ROR1: variants seen among roughly 807,000 people sequenced by gnomAD.
The protein encoded by ROR1 is inactive tyrosine-protein kinase transmembrane receptor ROR1.
Under a neutral mutation model 78.8 loss-of-function variants are expected in ROR1, and 19 were observed. The observed-to-expected ratio is 0.24, with a 90% CI of 0.17 to 0.35. ROR1 has a LOEUF of 0.35. Among genes scored for constraint, ROR1 ranks in the 10% least tolerant of loss-of-function variants. The pLI is 1.00. For synonymous variants in ROR1, 386 were observed against 433.6 expected (o/e 0.89, Z 1.36); for missense variants, 917 against 1,177.8 (o/e 0.78, Z 3.24).
rs1046131262 is a variant in ROR1 at position 64,127,734 on chromosome 1, A to G, written c.483-9635A>G. Among the ~76,000 whole-genome samples, 10 of 152,344 alleles carry G rather than the reference A, an allele frequency of 6.6e-5. No homozygotes were observed. In the East Asian group the frequency reaches 1.2e-3, roughly 18 times the overall value. ...CTGTTGAGCATAGAATAAAATCTCA[A>G]TAGGGCATAATGGTAGGAAGAAGAA... On this transcript the variant is annotated intron_variant, in intron 4 of 8. Coordinates refer to ENST00000371079, the MANE Select transcript of ROR1 (RefSeq NM_005012.4).
At chr1:64,125,797 TAGG>T (rs1260377282) in intron 4 of ROR1, among the ~76,000 whole-genome samples, 1 of 152,170 alleles carries the variant, frequency 6.6e-6, no homozygotes, top group African/African-American at 2.4e-5. Flanking sequence ...TTGGAATCTG[TAGG>T]AGGTCTGTGT....
chr1:63,843,155 G>A (rs766804748), intron 1 of ROR1: 351 of 924,372 alleles, frequency 3.8e-4, no homozygotes, highest in Admixed American at 7.1e-4. Flanking sequence ...CAGATGTGGG[G>A]CTGCCAGATG....
chr1:64,139,722 C>T (rs754136411), intron 5 of ROR1, among the ~76,000 whole-genome samples: 8 of 152,114 alleles, frequency 5.3e-5, no homozygotes, highest in Non-Finnish European at 7.4e-5. Flanking sequence ...TCAGCCACTG[C>T]GGAAACAAGT....
chr1:63,999,407 A>C (rs887481439), intron 1 of ROR1, among the ~76,000 whole-genome samples: 3 of 152,230 alleles, frequency 2.0e-5, no homozygotes, highest in Non-Finnish European at 4.4e-5. Context: ...TTCCATGTCT[A>C]TCTAAATATC....
At chr1:63,860,142 A>T (rs1249464796) in intron 1 of ROR1, among the ~76,000 whole-genome samples, 1 of 152,172 alleles carries the variant, frequency 6.6e-6, no homozygotes, top group African/African-American at 2.4e-5. Context: ...GATCAGAGCA[A>T]ATAGTAGCTA....
intron 2 of ROR1, among the ~76,000 whole-genome samples, chr1:64,026,857 G>A (rs1178775651): frequency 7.2e-5 from 11 of 152,122 alleles, no homozygotes; most frequent in Admixed American, 7.2e-4. Context: ...TCAACACATG[G>A]GGATTATGGG....
intron 1 of ROR1, among the ~76,000 whole-genome samples, chr1:63,990,991 TCAC>T (rs1646291258): frequency 6.6e-6 from 1 of 152,208 alleles, no homozygotes; most frequent in Non-Finnish European, 1.5e-5. Flanking sequence ...CAATAACAGC[TCAC>T]TATAACCTTG....
chr1:64,154,282 A>G (rs900994888), intron 7 of ROR1, among the ~76,000 whole-genome samples: 1 of 152,252 alleles, frequency 6.6e-6, no homozygotes, highest in Non-Finnish European at 1.5e-5. Context: ...ATATGCCTAA[A>G]TCACTGGTGC....
intron 2 of ROR1, among the ~76,000 whole-genome samples, chr1:64,022,218 G>A (rs1463659870): frequency 2.0e-5 from 3 of 152,198 alleles, no homozygotes; most frequent in African/African-American, 7.2e-5. Flanking sequence ...AAGTTGAATT[G>A]GTTGCCAGGG....
chr1:63,803,991 G>A (rs1459987122), intron 1 of ROR1, among the ~76,000 whole-genome samples: 1 of 152,070 alleles, frequency 6.6e-6, no homozygotes, highest in Non-Finnish European at 1.5e-5. Context: ...AAAATTATGA[G>A]ACATTAAAAA....
At chr1:63,777,383 G>A (rs911663257) in intron 1 of ROR1, among the ~76,000 whole-genome samples, 1 of 152,170 alleles carries the variant, frequency 6.6e-6, no homozygotes, top group African/African-American at 2.4e-5. Flanking sequence ...AACACTGAGA[G>A]CCCAAGTCCA....
chr1:63,835,720 G>C (rs1645015475), intron 1 of ROR1, among the ~76,000 whole-genome samples: 1 of 152,202 alleles, frequency 6.6e-6, no homozygotes, highest in East Asian at 1.9e-4. Flanking sequence ...CTAAAGTATG[G>C]GAGAAGTAGA....
At position 63,941,407 on chromosome 1, in the gene ROR1, T is replaced by C. The variant is rs931858652; in HGVS notation, c.92-67898T>C. On this transcript the variant is annotated intron_variant, in intron 1 of 8. Coordinates refer to ENST00000371079, the MANE Select transcript of ROR1 (RefSeq NM_005012.4). ...GTAGATAAAGGATATATAGGAGTTG[T>C]CTGGATTACTCTGGCGTTGTCTGGA... 3.3e-5 allele frequency among the ~76,000 whole-genome samples: 5 copies of C among 152,316 alleles called. No individual in the cohort carries two copies. The East Asian group carries it at 9.6e-4, about 29-fold the overall frequency.
intron 1 of ROR1, among the ~76,000 whole-genome samples, chr1:63,878,101 C>T (rs147915528): frequency 6.6e-6 from 1 of 152,230 alleles, no homozygotes; most frequent in African/African-American, 2.4e-5. Context: ...GCTTCCTTGC[C>T]CCACTTTGGC....
chr1:63,866,057 G>A (rs887271182), intron 1 of ROR1, among the ~76,000 whole-genome samples: 1 of 152,128 alleles, frequency 6.6e-6, no homozygotes, highest in Non-Finnish European at 1.5e-5. Flanking sequence ...GTAGAGAGGG[G>A]CAGAGAGGTT....
intron 1 of ROR1, among the ~76,000 whole-genome samples, chr1:63,785,544 ACGGAGTCTC>A (rs1369297635): frequency 2.7e-5 from 4 of 150,136 alleles, no homozygotes; most frequent in Non-Finnish European, 5.9e-5. Flanking sequence ...TTTTTTTGAG[ACGGAGTCTC>A]ACTCTGTGGC....
At chr1:63,814,136 G>C (rs552123682) in intron 1 of ROR1, among the ~76,000 whole-genome samples, 1 of 152,308 alleles carries the variant, frequency 6.6e-6, no homozygotes, top group African/African-American at 2.4e-5. Flanking sequence ...GTCAGGTCAG[G>C]GTCAGAAATG....
At chr1:63,897,027 G>A (rs910920089) in intron 1 of ROR1, among the ~76,000 whole-genome samples, 1 of 152,136 alleles carries the variant, frequency 6.6e-6, no homozygotes, top group Non-Finnish European at 1.5e-5. Context: ...AAAAAGTCAA[G>A]CTGTTGTTAT....
At chr1:63,882,327 G>A (rs1332633445) in intron 1 of ROR1, among the ~76,000 whole-genome samples, 1 of 152,118 alleles carries the variant, frequency 6.6e-6, no homozygotes, top group Non-Finnish European at 1.5e-5. Context: ...AAAAAATACC[G>A]ATCCTTGAAA....
Sources: allele counts gnomAD v4.1 joint callset (sites outside exome capture counted in the v4.1 genomes callset), GRCh38; gene constraint gnomAD v4.1.1; transcripts MANE v1.5; gene names NCBI Gene and HGNC (gene_info 2026-07-23, HGNC 2026-07-21).